Variants in SELENBP1 observed in about 807,000 individuals in gnomAD.
The protein encoded by SELENBP1 is methanethiol oxidase.
A neutral mutation model predicts 61.0 loss-of-function variants in SELENBP1; 71 were observed. That is an observed-to-expected ratio of 1.16 (90% CI 0.96 to 1.42). The LOEUF (loss-of-function observed/expected upper bound fraction) is 1.42, where lower values mean the gene tolerates loss of function less well. Among genes scored for constraint, SELENBP1 ranks in the 40% most tolerant of loss-of-function variants. SELENBP1 has a pLI of 0.00. For synonymous variants in SELENBP1, 270 were observed against 238.9 expected, an observed-to-expected ratio of 1.13 and a Z score of -1.20; for missense variants, 561 against 605.0, an observed-to-expected ratio of 0.93 and a Z score of 0.76.
intron 1 of SELENBP1, among the ~76,000 whole-genome samples, chr1:151,371,593 G>A (rs893580192): frequency 3.9e-5 from 6 of 151,982 alleles, no homozygotes; most frequent in Admixed American, 6.6e-5. Flanking sequence ...TTGCTAAGTC[G>A]GGGCTTGGCA....
rs1390008802 is a variant in SELENBP1 at position 151,365,694 on chromosome 1, G to A, written c.923-10C>T. On this transcript the variant is annotated splice_polypyrimidine_tract_variant and intron_variant, in intron 8 of 11. Transcript: ENST00000368868. The stretch of plus-strand genomic sequence containing the variant: ...ATGTCGGTGATCAGGCCTGTGGGCA[G>A]GGGGCGAGTAGAGCCTTTAAGGACT... 1.2e-6 allele frequency: 2 copies of A among 1,614,186 alleles called. No homozygotes were observed. Among genetic ancestry groups the A allele is most frequent in the Non-Finnish European group, 1.7e-6 (2 of 1,180,032 alleles).
chr1:151,370,805 C>T (rs1478125284), intron 1 of SELENBP1, among the ~76,000 whole-genome samples: 1 of 152,210 alleles, frequency 6.6e-6, no homozygotes, highest in Non-Finnish European at 1.5e-5. Context: ...GCCAGTCCAG[C>T]CTCTGCCTTC....
intron 1 of SELENBP1, among the ~76,000 whole-genome samples, chr1:151,372,420 A>G (rs1398948976): frequency 1.3e-5 from 2 of 151,962 alleles, no homozygotes. Context: ...CCCATCTCCC[A>G]GCAGTGCCTC....
intron 5 of SELENBP1, chr1:151,367,375 A>AGAAAAG (rs1651897362): frequency 6.7e-6 from 1 of 149,566 alleles, no homozygotes; most frequent in East Asian, 2.0e-4. Context: ...AAAGAAAAAG[A>AGAAAAG]AAAAAGAAAA....
At chr1:151,371,186 C>A (rs1652122181) in intron 1 of SELENBP1, among the ~76,000 whole-genome samples, 1 of 152,026 alleles carries the variant, frequency 6.6e-6, no homozygotes, top group Non-Finnish European at 1.5e-5. Flanking sequence ...GAGTTTGAGA[C>A]CAGCCTCACT....
chr1:151,369,374 G>C, intron 3 of SELENBP1, 68 bp downstream of exon 3: 7 of 1,485,040 alleles, frequency 4.7e-6, no homozygotes, highest in Non-Finnish European at 6.5e-6. Context: ...GCTGGGAAGG[G>C]GGGGCCCAGG....
At chr1:151,364,853 A>G (rs993383078) in intron 11 of SELENBP1, 73 bp downstream of exon 11, 42 of 1,532,926 alleles carry the variant, frequency 2.7e-5, no homozygotes, top group Non-Finnish European at 3.6e-5. Flanking sequence ...CTCCTTGAGG[A>G]GTCTTCAGAA....
chr1:151,371,983 C>T (rs562245595), intron 1 of SELENBP1, among the ~76,000 whole-genome samples: 7 of 152,056 alleles, frequency 4.6e-5, no homozygotes, highest in Admixed American at 2.0e-4. Context: ...TCTGCCAGCT[C>T]GGCATTCTGC....
At position 151,369,788 on chromosome 1, in the gene SELENBP1, G is replaced by A; in HGVS notation, c.5-19C>T. On this transcript the variant is annotated intron_variant, in intron 1 of 11. Coordinates refer to ENST00000368868, the MANE Select transcript of SELENBP1 (RefSeq NM_003944.4). Reference sequence around the variant, plus strand: ...TTCGTAGCTGTGGAAGCAATGGGGCGCATTGGCTGGGCCACGCTCTGGAGG... The same window carrying A: ...TTCGTAGCTGTGGAAGCAATGGGGCACATTGGCTGGGCCACGCTCTGGAGG... 2.1e-5 allele frequency: 32 copies of A among 1,551,900 alleles called. No individual in the cohort carries two copies. The highest frequency in any genetic ancestry group is 3.3e-4 in the Middle Eastern group (2 of 5,992).
intron 2 of SELENBP1, 65 bp from the exon 3 acceptor site, chr1:151,369,619 G>C: frequency 1.9e-6 from 3 of 1,551,718 alleles, no homozygotes; most frequent in Non-Finnish European, 2.6e-6. Flanking sequence ...GAAGTGCTGG[G>C]TGTGCCAGAG....
intron 1 of SELENBP1, among the ~76,000 whole-genome samples, 158 bp downstream of exon 1, chr1:151,372,480 G>A (rs1239326647): frequency 6.6e-6 from 1 of 152,146 alleles, no homozygotes; most frequent in Non-Finnish European, 1.5e-5. Context: ...GCAGTGGGGT[G>A]GTGGGGGAGG....
intron 1 of SELENBP1, 63 bp from the exon 2 acceptor site, chr1:151,369,832 C>T (rs766284008): frequency 1.4e-5 from 22 of 1,551,586 alleles, no homozygotes; most frequent in Middle Eastern, 1.7e-4. Context: ...TCCCTCCGCA[C>T]GTTCTGCAGC....
In SELENBP1 at chr1:151,369,774, G is replaced by A; in HGVS notation, c.5-5C>T. 25 of 1,552,126 alleles carry A rather than the reference G, an allele frequency of 1.6e-5. No homozygotes were observed. Among genetic ancestry groups the A allele is most frequent in the Non-Finnish European group, 1.8e-5 (21 of 1,147,196 alleles). ...CACAATTCCCACATTTCGTAGCTGTGGAAGCAATGGGGCGCATTGGCTGGG... is the reference window on the plus strand; with the variant it reads ...CACAATTCCCACATTTCGTAGCTGTAGAAGCAATGGGGCGCATTGGCTGGG... On this transcript the variant is annotated splice_region_variant and splice_polypyrimidine_tract_variant and intron_variant, in intron 1 of 11. Transcript: ENST00000368868.
At chr1:151,365,099 C>T (rs1012307526) in intron 10 of SELENBP1, 55 bp from the exon 11 acceptor site, 2 of 1,586,698 alleles carry the variant, frequency 1.3e-6, no homozygotes, top group African/African-American at 1.3e-5. Flanking sequence ...TAGGCACCAC[C>T]CCAACCCCAA....
intron 5 of SELENBP1, chr1:151,367,350 A>AAAAAAAAACAAAAAAAAAAAAAAAAG (rs1651887112): frequency 7.1e-5 from 1 of 14,140 alleles, no homozygotes; most frequent in Non-Finnish European, 1.4e-4. Flanking sequence ...ATCTCAAAAA[A>AAAAAAAAACAAAAAAAAAAAAAAAAG]AAAAAAAAAA....
In SELENBP1 at chr1:151,369,477, C is replaced by T; in HGVS notation, c.139G>A (p.Val47Met). The T allele has an allele frequency of 6.2e-7, 1 of 1,613,084 alleles. No homozygotes were observed. The highest frequency in any genetic ancestry group is 8.5e-7 in the Non-Finnish European group (1 of 1,179,656). The change falls in exon 3 of 12, where the codon GTG becomes ATG. Residue 47 changes from valine (V) to methionine (M), a missense_variant. Transcript: ENST00000368868. The part of the protein sequence containing the change: ...GTEAPDYLAT[V>M]DVDPKSPQYC... The stretch of plus-strand genomic sequence containing the variant: ...TGGGGAGACTTGGGGTCAACATCCA[C>T]AGTGGCCAGATAATCTGGGGCCTCA...
At chr1:151,369,686 G>C (rs939686277) in intron 2 of SELENBP1, 27 bp downstream of exon 2, 1 of 1,549,486 alleles carries the variant, frequency 6.5e-7, no homozygotes, top group Non-Finnish European at 8.7e-7. Context: ...GTAGTAGGGC[G>C]CTGGCTCTCA....
chr1:151,369,885 C>T, intron 1 of SELENBP1, 116 bp from the exon 2 acceptor site: 1 of 1,550,364 alleles, frequency 6.5e-7, no homozygotes, highest in Non-Finnish European at 8.7e-7. Flanking sequence ...GCCTAGGTCC[C>T]CACTCCAGCC....
rs1651849091 is a variant in SELENBP1, at chr1:151,366,822, A to G, written c.564T>C (p.Tyr188=). Residue 188 remains tyrosine (Y), a synonymous_variant, in exon 6 of 12, where the codon TAT becomes TAC. Coordinates refer to ENST00000368868, the MANE Select transcript of SELENBP1 (RefSeq NM_003944.4). ...ERPGGAAPLG[Y]DFWYQPRHNV... is the part of the protein sequence containing the mutation. ...TGTGTCGAGGCTGGTACCAGAAGTC[A>G]TAGCCCAACGGTGCAGCACCCCCAG... 2 of 1,614,024 alleles carry G rather than the reference A, an allele frequency of 1.2e-6. No individual in the cohort carries two copies. The highest frequency in any genetic ancestry group is 2.2e-5 in the East Asian group (1 of 44,888).
Sources: gnomAD v4.1 joint callset for allele counts (sites outside exome capture counted in the v4.1 genomes callset) on GRCh38, gnomAD v4.1.1 for gene constraint, MANE v1.5 for transcripts, NCBI Gene and HGNC (gene_info 2026-07-23, HGNC 2026-07-21) for gene names.